Variants in STOX2 observed in about 807,000 individuals in gnomAD.
STOX2 encodes storkhead-box protein 2.
Under a neutral mutation model 60.9 loss-of-function variants are expected in STOX2, and 28 were observed. The ratio of observed to expected loss-of-function variants is 0.46; its 90% confidence interval spans 0.34 to 0.63. The LOEUF is 0.63. Ranked by LOEUF, STOX2 falls within the 30% of genes least tolerant of loss-of-function variation. STOX2 has a pLI of 0.01. For synonymous variants in STOX2, 472 were observed against 463.9 expected, an observed-to-expected ratio of 1.02 and a Z score of -0.22; for missense variants, 1,024 against 1,187.7, an observed-to-expected ratio of 0.86 and a Z score of 2.03.
At chr4:183,934,471 CTT>C (rs2111120020) in intron 1 of STOX2, among the ~76,000 whole-genome samples, 1 of 152,268 alleles carries the variant, frequency 6.6e-6, no homozygotes, top group South Asian at 2.1e-4. Context: ...CCTTTAGAAA[CTT>C]TAGATAGCCT....
intron 1 of STOX2, among the ~76,000 whole-genome samples, chr4:183,991,249 T>C (rs556918673): frequency 7.0e-4 from 107 of 152,318 alleles, no homozygotes; most frequent in African/African-American, 2.5e-3. Flanking sequence ...TATATCTGAT[T>C]AAAGTAATCT....
chr4:183,841,346 G>T (rs1739857827), intron 1 of STOX2, among the ~76,000 whole-genome samples: 1 of 151,904 alleles, frequency 6.6e-6, no homozygotes, highest in African/African-American at 2.4e-5. Context: ...AGTACTGTAG[G>T]TGCATGCCAC....
At chr4:183,915,499 C>T (rs567495610) in intron 1 of STOX2, among the ~76,000 whole-genome samples, 41 of 151,700 alleles carry the variant, frequency 2.7e-4, no homozygotes, top group Middle Eastern at 3.4e-3. Context: ...TGTTACGCGT[C>T]GAATGTGTCC....
At chr4:183,958,049 G>T (rs1285715362) in intron 1 of STOX2, among the ~76,000 whole-genome samples, 2 of 151,730 alleles carry the variant, frequency 1.3e-5, no homozygotes, top group African/African-American at 4.9e-5. Context: ...GTTTCTTTCA[G>T]GGGGGATGGT....
At chr4:183,944,330 G>A (rs146914657) in intron 1 of STOX2, among the ~76,000 whole-genome samples, 14 of 152,332 alleles carry the variant, frequency 9.2e-5, no homozygotes, top group African/African-American at 2.9e-4. Context: ...GCTGATATGT[G>A]AGTCTTCCAG....
chr4:184,009,194 C>T lies in STOX2; in HGVS notation c.356C>T (p.Thr119Met), dbSNP rs1410875899. 2.7e-6 allele frequency: 4 copies of T among 1,458,650 alleles called. No homozygotes were observed. The highest frequency in any genetic ancestry group is 2.6e-5 in the East Asian group (1 of 38,668). 90.4% of individuals were successfully genotyped at this position (1,458,650 alleles called of 1,614,324 possible). The change falls in exon 3 of 4, where the codon ACG (threonine) becomes ATG (methionine). Residue 119 changes from threonine (T) to methionine (M), a missense_variant. Transcript: ENST00000308497. The surrounding 1 kb of genome is among the most constrained non-coding windows in gnomAD (Gnocchi z 4.0). ...CCAAGCCAAGAAATTCTGCGGCACACGCTGAACACGCTGGTACGGGAGAGG... is the reference window on the plus strand; with the variant it reads ...CCAAGCCAAGAAATTCTGCGGCACATGCTGAACACGCTGGTACGGGAGAGG... ...PTPSQEILRHTLNTLVRERKI... is the reference protein window; with the variant it reads ...PTPSQEILRHMLNTLVRERKI...
chr4:184,007,256 G>T (rs114365842), intron 2 of STOX2, among the ~76,000 whole-genome samples: 1,924 of 152,182 alleles, frequency 0.013, 39 homozygotes, highest in African/African-American at 0.044. Context: ...ATGTTACCGC[G>T]CATTCACGGA....
chr4:183,953,340 T>G (rs989969052), intron 1 of STOX2, among the ~76,000 whole-genome samples: 13 of 151,728 alleles, frequency 8.6e-5, no homozygotes, highest in African/African-American at 3.2e-4. Flanking sequence ...AAGGCAAGGG[T>G]GGTATTGGGA....
At chr4:183,936,820 C>G (rs546213114) in intron 1 of STOX2, among the ~76,000 whole-genome samples, 1 of 152,252 alleles carries the variant, frequency 6.6e-6, no homozygotes, top group Non-Finnish European at 1.5e-5. Flanking sequence ...TCTGTTGTAA[C>G]CACTTCTGTG....
chr4:183,965,558 A>T (rs1013356121), intron 1 of STOX2, among the ~76,000 whole-genome samples: 1 of 152,210 alleles, frequency 6.6e-6, no homozygotes, highest in South Asian at 2.1e-4. Flanking sequence ...CAGTTTTATC[A>T]TCTGTCCTTA....
chr4:183,928,059 G>A (rs748207219), intron 1 of STOX2, among the ~76,000 whole-genome samples: 1 of 152,210 alleles, frequency 6.6e-6, no homozygotes, highest in Non-Finnish European at 1.5e-5. Flanking sequence ...ATGAACAGAG[G>A]TGCTAAGGAT....
chr4:183,990,578 ATTTTTTTTTTTTTTTTTT>A (rs57369052), intron 1 of STOX2, among the ~76,000 whole-genome samples: 14 of 82,484 alleles, frequency 1.7e-4, no homozygotes, highest in East Asian at 1.3e-3. Flanking sequence ...AAAAAGCAGG[ATTTTTTTTTTTTTTTTTT>A]TTTTTTTTTT....
chr4:183,819,592 G>GAGAGGC (rs1739258297), intron 1 of STOX2, among the ~76,000 whole-genome samples: 1 of 109,180 alleles, frequency 9.2e-6, no homozygotes. Context: ...GAGGGAGAGG[G>GAGAGGC]AGAGTGGGAG....
chr4:183,802,046 G>A (rs1254704725), intron 1 of STOX2, among the ~76,000 whole-genome samples: 1 of 152,204 alleles, frequency 6.6e-6, no homozygotes, highest in Non-Finnish European at 1.5e-5. Context: ...GTTGAGGCTG[G>A]AGGGCCTTCT....
At chr4:183,817,135 T>C (rs1453821906) in intron 1 of STOX2, among the ~76,000 whole-genome samples, 2 of 152,216 alleles carry the variant, frequency 1.3e-5, no homozygotes, top group African/African-American at 4.8e-5. Context: ...CACTAAAGCT[T>C]TGAAATGGTG....
At chr4:183,967,875 T>C (rs551650329) in intron 1 of STOX2, among the ~76,000 whole-genome samples, 9 of 152,350 alleles carry the variant, frequency 5.9e-5, no homozygotes, top group Admixed American at 2.0e-4. Flanking sequence ...AAGTCTACTA[T>C]GTTTTTAGGA....
At chr4:183,820,023 G>A (rs1739269604) in intron 1 of STOX2, among the ~76,000 whole-genome samples, 1 of 152,190 alleles carries the variant, frequency 6.6e-6, no homozygotes, top group Non-Finnish European at 1.5e-5. Context: ...TTAGTTCATA[G>A]TTCTTCTTTT....
At chr4:183,933,491 G>A (rs1286067716) in intron 1 of STOX2, among the ~76,000 whole-genome samples, 1 of 151,984 alleles carries the variant, frequency 6.6e-6, no homozygotes, top group Non-Finnish European at 1.5e-5. Flanking sequence ...TGGGTTCAAG[G>A]GATTCTCCAG....
At chr4:183,827,498 GAAAATA>G (rs2111117068) in intron 1 of STOX2, among the ~76,000 whole-genome samples, 1 of 149,420 alleles carries the variant, frequency 6.7e-6, no homozygotes, top group African/African-American at 2.6e-5. Context: ...TCTAAAAAAA[GAAAATA>G]AAAATAAAAA....
Sources: gnomAD v4.1 joint callset for allele counts (sites outside exome capture counted in the v4.1 genomes callset) on GRCh38, gnomAD v4.1.1 for gene constraint, Gnocchi (gnomAD v3.1) non-coding constraint, MANE v1.5 for transcripts, NCBI Gene and HGNC (gene_info 2026-07-23, HGNC 2026-07-21) for gene names.